SCD5: variants seen among roughly 807,000 people sequenced by gnomAD.
The protein encoded by SCD5 is acyl-CoA-desaturase 4.
Under a neutral mutation model 30.4 loss-of-function variants are expected in SCD5, and 20 were observed. The ratio of observed to expected loss-of-function variants is 0.66; its 90% confidence interval spans 0.46 to 0.96. The LOEUF (loss-of-function observed/expected upper bound fraction) is 0.96, where lower values mean the gene tolerates loss of function less well. SCD5 is among the 40% of genes least tolerant of loss of function. SCD5 has a pLI of 0.00. For synonymous variants in SCD5, 173 were observed against 176.4 expected, an observed-to-expected ratio of 0.98 and a Z score of 0.16; for missense variants, 381 against 443.3, an observed-to-expected ratio of 0.86 and a Z score of 1.26.
At chr4:82,684,716 A>G (rs1338344848) in intron 2 of SCD5, among the ~76,000 whole-genome samples, 3 of 152,152 alleles carry the variant, frequency 2.0e-5, no homozygotes, top group African/African-American at 7.2e-5. Context: ...GATCAACTGT[A>G]CTGGAAGCCA....
chr4:82,666,786 A>T (rs1465895587), intron 3 of SCD5, among the ~76,000 whole-genome samples: 1 of 152,214 alleles, frequency 6.6e-6, no homozygotes, highest in African/African-American at 2.4e-5. Flanking sequence ...GCAAACATAT[A>T]CTGTTCTTCT....
intron 1 of SCD5, among the ~76,000 whole-genome samples, chr4:82,710,238 C>T (rs901227117): frequency 6.6e-6 from 1 of 152,096 alleles, no homozygotes; most frequent in African/African-American, 2.4e-5. Context: ...TAAGGTACAC[C>T]CTCTCTTAGA....
rs143567312 is a variant in SCD5 at position 82,651,911 on chromosome 4, C to A, written c.570-15088G>T. Among the ~76,000 whole-genome samples the A allele has an allele frequency of 3.2e-3, 494 of 152,258 alleles. 1 individual carries two copies. The highest frequency in any genetic ancestry group is 0.011 in the African/African-American group (469 of 41,548). ...CTGGGTGACAAGAGCTAAAACAAAA[C>A]AAAACATAATTAAAATGTAAGAAAA... On this transcript the variant is annotated intron_variant, in intron 3 of 4. Coordinates refer to ENST00000319540, the MANE Select transcript of SCD5 (RefSeq NM_001037582.3).
chr4:82,787,348 C>T (rs574616060), intron 1 of SCD5, among the ~76,000 whole-genome samples: 4 of 152,040 alleles, frequency 2.6e-5, no homozygotes, highest in African/African-American at 7.2e-5. Context: ...AGGAACCCTC[C>T]CACAAGGGTG....
intron 1 of SCD5, among the ~76,000 whole-genome samples, chr4:82,754,810 G>C (rs993550486): frequency 1.3e-5 from 2 of 152,128 alleles, no homozygotes; most frequent in African/African-American, 4.8e-5. Context: ...TTTAACACTG[G>C]GATCTGTGAG....
chr4:82,671,832 G>A (rs57754844), intron 3 of SCD5, among the ~76,000 whole-genome samples: 1,770 of 152,300 alleles, frequency 0.012, 35 homozygotes, highest in African/African-American at 0.041. Flanking sequence ...AGTGGGCTGA[G>A]ATTGCACCAC....
intron 1 of SCD5, among the ~76,000 whole-genome samples, chr4:82,787,998 C>G (rs891839278): frequency 7.9e-5 from 12 of 152,144 alleles, no homozygotes; most frequent in Admixed American, 7.9e-4. Flanking sequence ...GAGTGCACCA[C>G]TGTACTCCAG....
intron 1 of SCD5, among the ~76,000 whole-genome samples, chr4:82,718,311 A>G (rs1720276502): frequency 6.6e-6 from 1 of 151,802 alleles, no homozygotes; most frequent in African/African-American, 2.4e-5. Context: ...TTCTGAGCCA[A>G]AAGAGCTGGA....
At chr4:82,662,650 A>G (rs1184958437) in intron 3 of SCD5, among the ~76,000 whole-genome samples, 1 of 151,832 alleles carries the variant, frequency 6.6e-6, no homozygotes, top group Non-Finnish European at 1.5e-5. Flanking sequence ...ACCTGAGGTC[A>G]GAAGTTTGAG....
chr4:82,664,999 C>CTCTCTCTCTATATATA (rs1219554314), intron 3 of SCD5, among the ~76,000 whole-genome samples: 55 of 70,452 alleles, frequency 7.8e-4, no homozygotes, highest in African/African-American at 9.0e-4. Context: ...CTCTCTCTCT[C>CTCTCTCTCTATATATA]TATATATATA....
chr4:82,730,019 A>G (rs1720592681), intron 1 of SCD5, among the ~76,000 whole-genome samples: 2 of 149,948 alleles, frequency 1.3e-5, no homozygotes, highest in Admixed American at 1.4e-4. Flanking sequence ...ATGCTATATA[A>G]GCCAAGGTGT....
At chr4:82,758,737 T>C (rs1276035333) in intron 1 of SCD5, among the ~76,000 whole-genome samples, 2 of 152,026 alleles carry the variant, frequency 1.3e-5, no homozygotes, top group East Asian at 3.9e-4. Context: ...GGGCCTTCCT[T>C]ACCGGGTCCC....
chr4:82,746,730 GAACT>G (rs942591848), intron 1 of SCD5, among the ~76,000 whole-genome samples: 1 of 152,012 alleles, frequency 6.6e-6, no homozygotes, highest in Non-Finnish European at 1.5e-5. Flanking sequence ...TATCCAAGCA[GAACT>G]AACATTGATA....
intron 1 of SCD5, among the ~76,000 whole-genome samples, chr4:82,762,658 CTTG>C (rs1222053438): frequency 3.3e-5 from 5 of 152,150 alleles, no homozygotes; most frequent in South Asian, 2.1e-4. Flanking sequence ...TAAGAGGCCA[CTTG>C]TTGTGGGTGG....
intron 1 of SCD5, among the ~76,000 whole-genome samples, chr4:82,713,185 C>T (rs1259916633): frequency 6.6e-6 from 1 of 152,124 alleles, no homozygotes; most frequent in Non-Finnish European, 1.5e-5. Context: ...GGGGATAGAA[C>T]AGGAGAGAGA....
At chr4:82,762,614 C>T (rs1721400596) in intron 1 of SCD5, among the ~76,000 whole-genome samples, 1 of 152,136 alleles carries the variant, frequency 6.6e-6, no homozygotes, top group Non-Finnish European at 1.5e-5. Flanking sequence ...ACTAGTACCT[C>T]CACGTTAGAT....
intron 1 of SCD5, among the ~76,000 whole-genome samples, chr4:82,787,867 C>T (rs1019345586): frequency 6.6e-6 from 1 of 152,102 alleles, no homozygotes; most frequent in Non-Finnish European, 1.5e-5. Context: ...TCATTCTCTA[C>T]AAAAATAATA....
intron 3 of SCD5, among the ~76,000 whole-genome samples, chr4:82,678,880 G>A (rs555115502): frequency 2.0e-5 from 3 of 152,118 alleles, no homozygotes; most frequent in Non-Finnish European, 2.9e-5. Flanking sequence ...GAAAATCAAC[G>A]TCAATAAATC....
intron 3 of SCD5, among the ~76,000 whole-genome samples, chr4:82,671,430 C>T (rs1387422616): frequency 1.3e-5 from 2 of 152,128 alleles, no homozygotes; most frequent in African/African-American, 2.4e-5. Context: ...CCAGCAATAG[C>T]AGAATATGCA....
Sources: gnomAD v4.1 joint callset for allele counts (sites outside exome capture counted in the v4.1 genomes callset) on GRCh38, gnomAD v4.1.1 for gene constraint, MANE v1.5 for transcripts, NCBI Gene and HGNC (gene_info 2026-07-23, HGNC 2026-07-21) for gene names.